C6orf62: variants seen among roughly 807,000 people sequenced by gnomAD.
The protein encoded by C6orf62 is chromosome 6 open reading frame 62.
In C6orf62, 16 loss-of-function variants were observed where a neutral mutation model predicts 26.8. That is an observed-to-expected ratio of 0.60 (90% CI 0.40 to 0.91). The LOEUF (loss-of-function observed/expected upper bound fraction) is 0.91, where lower values mean the gene tolerates loss of function less well. C6orf62 is among the 40% of genes least tolerant of loss of function. The pLI is 0.00. For missense variants in C6orf62, 192 were observed against 271.4 expected (o/e 0.71, Z 2.06); for synonymous variants, 112 against 91.5 (o/e 1.22, Z -1.28).
upstream of C6orf62, chr6:24,719,831 A>G (rs1200086584): frequency 2.1e-6 from 1 of 485,382 alleles, no homozygotes; most frequent in Admixed American, 4.7e-5. Flanking sequence ...TCCCACCCCC[A>G]CCCCTTGCCT....
chr6:24,706,135 C>T lies in C6orf62; in HGVS notation c.*2G>A, dbSNP rs764790547. ...ATCTTCTCCATTTTGCTGGTCAGTA[C>T]TCTACTCTGGCATATAAGGACGGAG... On this transcript the variant is annotated 3_prime_UTR_variant, in exon 5 of 5. Transcript: ENST00000378119. 6.2e-7 allele frequency: 1 copy of T among 1,614,166 alleles called. No individual in the cohort carries two copies. Among genetic ancestry groups the T allele is most frequent in the Non-Finnish European group, 8.5e-7 (1 of 1,180,018 alleles).
At chr6:24,708,944 A>T (rs772833290) in intron 3 of C6orf62, 33 bp from the exon 4 acceptor site, 2 of 1,613,230 alleles carry the variant, frequency 1.2e-6, no homozygotes, top group Non-Finnish European at 1.7e-6. Context: ...ATATTAAACT[A>T]CAAACAAGTT....
At chr6:24,720,445 G>T, upstream of C6orf62, 1 of 1,091,986 alleles carries the variant, frequency 9.2e-7, no homozygotes. Context: ...CCCATAGTCT[G>T]GCTCGGCGCC....
intron 2 of C6orf62, among the ~76,000 whole-genome samples, chr6:24,715,718 C>T (rs1168536016): frequency 2.6e-5 from 4 of 151,788 alleles, no homozygotes; most frequent in Non-Finnish European, 5.9e-5. Context: ...CATGGTGGCG[C>T]ACAACTGTAG....
intron 3 of C6orf62, among the ~76,000 whole-genome samples, chr6:24,712,690 C>CAAAAA (rs10574302): frequency 7.9e-5 from 8 of 100,672 alleles, no homozygotes; most frequent in African/African-American, 2.7e-4. Flanking sequence ...GACTCTGTCT[C>CAAAAA]AAAAAAAAAA....
At chr6:24,719,709 T>C (rs886988267), upstream of C6orf62, 2 of 1,498,670 alleles carry the variant, frequency 1.3e-6, no homozygotes, top group Middle Eastern at 2.4e-4. Context: ...CCGTTCAAAA[T>C]GGTGGGGAGT....
upstream of C6orf62, chr6:24,720,106 T>G: frequency 1.5e-6 from 2 of 1,342,272 alleles, no homozygotes; most frequent in Admixed American, 3.9e-5. Flanking sequence ...TTGTTTAGGG[T>G]GGGGTCGTTA....
intron 3 of C6orf62, among the ~76,000 whole-genome samples, chr6:24,712,207 C>A (rs919500384): frequency 1.3e-5 from 2 of 151,942 alleles, no homozygotes; most frequent in Non-Finnish European, 2.9e-5. Context: ...TAGCAAAACT[C>A]CGTCTCTACA....
chr6:24,720,013 G>GGGGGGGGCGC, upstream of C6orf62: 6 of 1,479,410 alleles, frequency 4.1e-6, no homozygotes, highest in South Asian at 1.3e-5. Flanking sequence ...TCTAAAGTAA[G>GGGGGGGGCGC]CCCACCCACC....
At chr6:24,719,923 G>T, upstream of C6orf62, 1 of 1,548,686 alleles carries the variant, frequency 6.5e-7, no homozygotes, top group Non-Finnish European at 8.7e-7. Flanking sequence ...AACAATTCCC[G>T]CCCGGGTGGA....
upstream of C6orf62, chr6:24,719,712 T>TG: frequency 6.7e-7 from 1 of 1,502,456 alleles, no homozygotes; most frequent in Non-Finnish European, 8.9e-7. Flanking sequence ...TTCAAAATGG[T>TG]GGGGAGTGCG....
At chr6:24,708,255 T>TA (rs10700028) in intron 4 of C6orf62, among the ~76,000 whole-genome samples, 71,251 of 146,006 alleles carry the variant, frequency 0.49, 17,351 homozygotes, top group Non-Finnish European at 0.52. Flanking sequence ...TTTTCCCGTT[T>TA]AAAAAAAAAA....
upstream of C6orf62, chr6:24,719,634 C>T: frequency 7.0e-7 from 1 of 1,435,062 alleles, no homozygotes. Context: ...TGCCCGGGTT[C>T]CCAACACCCC....
chr6:24,709,421 A>AT (rs1380581106), intron 3 of C6orf62: 13 of 984,814 alleles, frequency 1.3e-5, no homozygotes, highest in African/African-American at 1.0e-4. Context: ...TAAGAAAAAA[A>AT]AAAAATAAAT....
Position 24,716,161 on chromosome 6 carries a change from T to C in C6orf62, c.293A>G (p.Gln98Arg), listed in dbSNP as rs907073316. The C allele has an allele frequency of 4.3e-6, 7 of 1,613,696 alleles. No individual in the cohort carries two copies. The Admixed American group carries it at 5.0e-5, about 12-fold the overall frequency. ...DVVQLHAPRY[Q>R]SMRRDVIGCT... Reference sequence around the variant, plus strand: ...GGCAGAACTTACCCTTCTCATAGACTGATATCGAGGAGCATGGAGCTGTAC... The same window carrying C: ...GGCAGAACTTACCCTTCTCATAGACCGATATCGAGGAGCATGGAGCTGTAC... Residue 98 changes from glutamine to arginine, a missense_variant, in exon 2 of 5, where the codon CAG becomes CGG. Transcript: ENST00000378119.
rs1779284512 is a variant in C6orf62, at chr6:24,718,516, T to A, written c.129+24A>T. 6 of 1,573,104 alleles carry A rather than the reference T, an allele frequency of 3.8e-6. No individual in the cohort carries two copies. The East Asian group carries it at 1.3e-4, about 35-fold the overall frequency. ...ACTTACAAAAATTACTTGTGCTAAT[T>A]CACCATTAAGAACTTTAAATTACCT... On this transcript the variant is annotated intron_variant, in intron 1 of 4. Transcript: ENST00000378119.
chr6:24,718,740 A>G lies in C6orf62; in HGVS notation c.-72T>C. ...TATGGGCACTTTTTCTTAAGACTCA[A>G]GTACAACAGAAACAAGTCATTTTTT... On this transcript the variant is annotated 5_prime_UTR_variant, in exon 1 of 5. Transcript: ENST00000378119. 6.3e-7 allele frequency: 1 copy of G among 1,588,954 alleles called. No homozygotes were observed. Among genetic ancestry groups the G allele is most frequent in the Admixed American group, 1.9e-5 (1 of 51,320 alleles).
chr6:24,715,848 C>CAAAAA (rs139717677), intron 2 of C6orf62, among the ~76,000 whole-genome samples: 1 of 63,816 alleles, frequency 1.6e-5, no homozygotes, highest in Admixed American at 1.7e-4. Context: ...GACTTTGTCT[C>CAAAAA]AAAAAAAAAA....
Position 24,719,110 on chromosome 6 carries a change from A to G in C6orf62, c.-442T>C. ...ATCCGGATTTTCCCCCCTTTTTAGA[A>G]AAGGGATTAAGGAACAGGGAGGGGG... On this transcript the variant is annotated 5_prime_UTR_variant, in exon 1 of 5. Coordinates refer to ENST00000378119, the MANE Select transcript of C6orf62 (RefSeq NM_030939.5). The G allele has an allele frequency of 1.0e-6, 1 of 990,420 alleles. No individual in the cohort carries two copies. The allele number at this position is 990,420 out of a possible 1,614,324, so 61.4% of individuals were successfully genotyped here.
Sources: gnomAD v4.1 joint callset for allele counts (sites outside exome capture counted in the v4.1 genomes callset) on GRCh38, gnomAD v4.1.1 for gene constraint, MANE v1.5 for transcripts, NCBI Gene and HGNC (gene_info 2026-07-23, HGNC 2026-07-21) for gene names.